MYT1L: variants seen among roughly 807,000 people sequenced by gnomAD.
MYT1L encodes the protein myelin transcription factor 1 like.
In MYT1L, 12 loss-of-function variants were observed where a neutral mutation model predicts 126.7. The observed-to-expected ratio is 0.09, with a 90% CI of 0.06 to 0.15. The LOEUF is 0.15. MYT1L is among the 10% of genes least tolerant of loss of function. The probability of loss-of-function intolerance (pLI) is 1.00; values close to 1 mark genes in which losing one functional copy is unlikely to be tolerated. For synonymous variants in MYT1L, 541 were observed against 604.2 expected, an observed-to-expected ratio of 0.90 and a Z score of 1.53; for missense variants, 979 against 1,585.2, an observed-to-expected ratio of 0.62 and a Z score of 6.49.
intron 2 of MYT1L, among the ~76,000 whole-genome samples, chr2:2,217,945 G>C (rs1166093821): frequency 2.6e-5 from 4 of 152,136 alleles, no homozygotes; most frequent in African/African-American, 4.8e-5. Flanking sequence ...AAGATGTATG[G>C]ATAGGAAATA....
chr2:2,225,432 A>G (rs2093983886), intron 2 of MYT1L, among the ~76,000 whole-genome samples: 1 of 151,258 alleles, frequency 6.6e-6, no homozygotes, highest in Non-Finnish European at 1.5e-5. Flanking sequence ...CTCCCCGTCC[A>G]CTCTCCAGTC....
At chr2:1,797,865 C>G (rs1389909120) in intron 23 of MYT1L, among the ~76,000 whole-genome samples, 3 of 148,978 alleles carry the variant, frequency 2.0e-5, no homozygotes, top group African/African-American at 7.6e-5. Flanking sequence ...GCGCGGCGGT[C>G]TCCCCCCATC....
intron 4 of MYT1L, among the ~76,000 whole-genome samples, chr2:2,000,967 GGTTT>G (rs2062311291): frequency 6.6e-6 from 1 of 152,086 alleles, no homozygotes; most frequent in Non-Finnish European, 1.5e-5. Context: ...CAGAAGCACG[GGTTT>G]TCTCTCTGAA....
At chr2:2,273,854 A>C (rs1376459746) in intron 2 of MYT1L, among the ~76,000 whole-genome samples, 1 of 152,126 alleles carries the variant, frequency 6.6e-6, no homozygotes, top group Non-Finnish European at 1.5e-5. Context: ...ATCCGCCCAC[A>C]AAAAAAATTA....
chr2:2,233,943 T>C (rs903818522), intron 2 of MYT1L, among the ~76,000 whole-genome samples: 19 of 152,232 alleles, frequency 1.2e-4, no homozygotes, highest in African/African-American at 4.1e-4. Context: ...CATAAGGCCA[T>C]GGCAGGATTG....
intron 3 of MYT1L, among the ~76,000 whole-genome samples, chr2:2,122,339 C>A (rs1361224581): frequency 6.6e-6 from 1 of 152,180 alleles, no homozygotes; most frequent in Non-Finnish European, 1.5e-5. Flanking sequence ...CATGGGGACT[C>A]TGCAGGTGGA....
chr2:2,039,910 G>A (rs914908929), intron 4 of MYT1L, among the ~76,000 whole-genome samples: 12 of 152,206 alleles, frequency 7.9e-5, no homozygotes, highest in African/African-American at 2.7e-4. Context: ...ATGCCTGGCT[G>A]CAAGAAGCGA....
chr2:1,985,080 C>G (rs1292452169), intron 5 of MYT1L, among the ~76,000 whole-genome samples: 1 of 152,154 alleles, frequency 6.6e-6, no homozygotes, highest in Non-Finnish European at 1.5e-5. Flanking sequence ...ACGGACAGCT[C>G]CCACTTTGAC....
intron 4 of MYT1L, among the ~76,000 whole-genome samples, chr2:1,998,242 G>C (rs927666724): frequency 6.6e-6 from 1 of 152,144 alleles, no homozygotes; most frequent in Non-Finnish European, 1.5e-5. Context: ...AACCTCTCTG[G>C]GCTGTTTTGA....
chr2:1,947,470 G>A (rs76182513), intron 8 of MYT1L, among the ~76,000 whole-genome samples: 1,777 of 152,288 alleles, frequency 0.012, 37 homozygotes, highest in African/African-American at 0.04. Context: ...GGTCTGGGCC[G>A]TAGGGCATTG....
At chr2:1,953,985 T>C (rs1157497109) in intron 8 of MYT1L, among the ~76,000 whole-genome samples, 1 of 152,144 alleles carries the variant, frequency 6.6e-6, no homozygotes, top group Non-Finnish European at 1.5e-5. Context: ...CCTGAGAAGG[T>C]TGACGGGGCT....
chr2:1,880,224 A>T (rs2047360652), intron 18 of MYT1L, among the ~76,000 whole-genome samples: 1 of 152,250 alleles, frequency 6.6e-6, no homozygotes, highest in Non-Finnish European at 1.5e-5. Context: ...ATGTCAGTAG[A>T]AGCCACCCTC....
intron 9 of MYT1L, among the ~76,000 whole-genome samples, chr2:1,935,474 G>A (rs1034453354): frequency 3.9e-5 from 6 of 152,188 alleles, no homozygotes; most frequent in African/African-American, 1.4e-4. Context: ...GAATAAATGG[G>A]TGGGAGCATA....
intron 2 of MYT1L, among the ~76,000 whole-genome samples, chr2:2,201,304 C>T (rs1356910654): frequency 6.6e-6 from 1 of 152,176 alleles, no homozygotes; most frequent in Non-Finnish European, 1.5e-5. Flanking sequence ...TAGCTTAAAT[C>T]TGCACTCCTC....
intron 2 of MYT1L, among the ~76,000 whole-genome samples, chr2:2,189,144 T>C (rs1331369192): frequency 6.6e-6 from 1 of 152,206 alleles, no homozygotes; most frequent in Middle Eastern, 3.2e-3. Context: ...CATCATACTA[T>C]ATAAGAGCTT....
At chr2:2,296,085 G>A (rs1361214345) in intron 1 of MYT1L, among the ~76,000 whole-genome samples, 1 of 152,170 alleles carries the variant, frequency 6.6e-6, no homozygotes, top group Non-Finnish European at 1.5e-5. Flanking sequence ...AGAAAATATA[G>A]ACAATTTTAT....
chr2:2,068,728 C>CT (rs201270937), intron 3 of MYT1L, among the ~76,000 whole-genome samples: 1,500 of 66,968 alleles, frequency 0.022, 18 homozygotes, highest in African/African-American at 0.039. Flanking sequence ...GTAATACTGG[C>CT]TTTTTTTTTT....
Position 1,840,757 on chromosome 2 carries a change from T to C in MYT1L, c.2858+3A>G, listed in dbSNP as rs746668492. On this transcript the variant is annotated splice_donor_region_variant and intron_variant, in intron 20 of 24. Coordinates refer to ENST00000647738, the MANE Select transcript of MYT1L (RefSeq NM_001303052.2). ...TGGTTCTCAGCCCCACTGGTGCTCA[T>C]ACCTGATGGGTTCTTGATCTTCTTT... 21 of 1,549,916 alleles carry C rather than the reference T, an allele frequency of 1.4e-5. No individual in the cohort carries two copies. The South Asian group carries it at 1.8e-4, about 13-fold the overall frequency.
chr2:2,119,347 A>G (rs1036182223), intron 3 of MYT1L, among the ~76,000 whole-genome samples: 3 of 152,262 alleles, frequency 2.0e-5, no homozygotes, highest in African/African-American at 7.2e-5. Context: ...ATAGTAATCT[A>G]TGAAAAATGT....
Sources: allele counts gnomAD v4.1 joint callset (sites outside exome capture counted in the v4.1 genomes callset), GRCh38; gene constraint gnomAD v4.1.1; transcripts MANE v1.5; gene names NCBI Gene and HGNC (gene_info 2026-07-23, HGNC 2026-07-21).